The following DCC variants were observed in gnomAD, a reference collection of about 807,000 sequenced individuals.
The protein encoded by DCC is netrin receptor DCC.
Under a neutral mutation model 172.5 loss-of-function variants are expected in DCC, and 58 were observed. The observed-to-expected ratio is 0.34, with a 90% confidence interval of 0.27 to 0.42. DCC has a LOEUF of 0.42. Among genes scored for constraint, DCC ranks in the 10% least tolerant of loss-of-function variants. The probability of loss-of-function intolerance (pLI) is 1.00; values close to 1 mark genes in which losing one functional copy is unlikely to be tolerated. For synonymous variants in DCC, 709 were observed against 644.5 expected, an observed-to-expected ratio of 1.10 and a Z score of -1.52; for missense variants, 1,740 against 1,791.0, an observed-to-expected ratio of 0.97 and a Z score of 0.51.
At chr18:52,536,829 ACT>A (rs1464913399) in intron 1 of DCC, among the ~76,000 whole-genome samples, 2 of 152,128 alleles carry the variant, frequency 1.3e-5, no homozygotes, top group Non-Finnish European at 2.9e-5. Flanking sequence ...TCCTAAGAAG[ACT>A]CTGATAAATT....
At chr18:53,023,612 C>G (rs1009813795) in intron 5 of DCC, among the ~76,000 whole-genome samples, 1 of 151,918 alleles carries the variant, frequency 6.6e-6, no homozygotes, top group African/African-American at 2.4e-5. Flanking sequence ...TGGACCCTGT[C>G]GCCAGGCAAA....
intron 27 of DCC, among the ~76,000 whole-genome samples, chr18:53,502,293 C>A (rs1205445601): frequency 1.3e-5 from 2 of 152,096 alleles, no homozygotes; most frequent in Non-Finnish European, 2.9e-5. Flanking sequence ...TTATTAAATT[C>A]TTTTTCCTTT....
At position 52,958,542 on chromosome 18, in the gene DCC, A is replaced by G. The variant is rs534824755; in HGVS notation, c.985+33172A>G. ...TGGTATTAGGATACAAGAGACAGGAAAAGAAGTGAGGAAATATTTCAAAAC... is the reference window on the plus strand; with the variant it reads ...TGGTATTAGGATACAAGAGACAGGAGAAGAAGTGAGGAAATATTTCAAAAC... On this transcript the variant is annotated intron_variant, in intron 5 of 28. Coordinates refer to ENST00000442544, the MANE Select transcript of DCC (RefSeq NM_005215.4). Among the ~76,000 whole-genome samples the G allele has an allele frequency of 8.8e-4, 134 of 152,238 alleles. 2 individuals are homozygous for G. The Middle Eastern group carries it at 0.01, about 12-fold the overall frequency.
chr18:53,296,949 CT>C (rs1013455494), intron 12 of DCC, among the ~76,000 whole-genome samples: 5 of 152,080 alleles, frequency 3.3e-5, no homozygotes, highest in Non-Finnish European at 5.9e-5. Flanking sequence ...TTAAAAAAGG[CT>C]TTTTGCTAGA....
chr18:52,625,846 A>G lies in DCC; in HGVS notation c.92-126208A>G, dbSNP rs76198128. Among the ~76,000 whole-genome samples, 144 of 152,202 alleles carry G rather than the reference A, an allele frequency of 9.5e-4. 3 individuals carry two copies. In the East Asian group the frequency reaches 0.024, roughly 25 times the overall value. On this transcript the variant is annotated intron_variant, in intron 1 of 28. Transcript: ENST00000442544. ...GTTCTCAGGTCCTGCCTCATGTCCA[A>G]ACATGTTTTAATGCAGGGGATTACA... is the stretch of plus-strand genomic sequence containing the variant.
chr18:52,742,856 C>G (rs1437581432), intron 1 of DCC, among the ~76,000 whole-genome samples: 1 of 151,992 alleles, frequency 6.6e-6, no homozygotes, highest in African/African-American at 2.4e-5. Flanking sequence ...TAACAAGTAT[C>G]AAATTTGAAT....
chr18:52,746,382 C>A (rs1049048568), intron 1 of DCC, among the ~76,000 whole-genome samples: 1 of 152,112 alleles, frequency 6.6e-6, no homozygotes, highest in African/African-American at 2.4e-5. Context: ...CTTGTAGGAG[C>A]TTTTTTCCCC....
At chr18:52,649,973 A>ATTTTTTTTTTT (rs71175512) in intron 1 of DCC, among the ~76,000 whole-genome samples, 1 of 106,928 alleles carries the variant, frequency 9.4e-6, no homozygotes, top group African/African-American at 3.7e-5. Flanking sequence ...TGATAGTTCT[A>ATTTTTTTTTTT]TTTTTTTTTT....
At chr18:52,429,637 A>G (rs566075457) in intron 1 of DCC, among the ~76,000 whole-genome samples, 3 of 152,294 alleles carry the variant, frequency 2.0e-5, no homozygotes, top group East Asian at 3.9e-4. Context: ...AACTAAGCCT[A>G]ATCTAAAGCA....
intron 10 of DCC, among the ~76,000 whole-genome samples, chr18:53,206,027 CATATATATGTGT>C (rs1355180668): frequency 3.2e-5 from 3 of 94,386 alleles, no homozygotes; most frequent in Non-Finnish European, 6.4e-5. Flanking sequence ...AATTGAGTTT[CATATATATGTGT>C]ATATATAATA....
chr18:52,440,307 A>C (rs1987934788), intron 1 of DCC, among the ~76,000 whole-genome samples: 2 of 152,228 alleles, frequency 1.3e-5, no homozygotes, highest in South Asian at 4.1e-4. Flanking sequence ...CGTGCTTCAG[A>C]ATACAAATCC....
chr18:53,260,446 G>T (rs533182405), intron 12 of DCC, among the ~76,000 whole-genome samples: 2 of 152,272 alleles, frequency 1.3e-5, no homozygotes, highest in African/African-American at 4.8e-5. Context: ...CTGCAGGTCT[G>T]TTGGAGTTTG....
chr18:52,529,101 C>T (rs941659593), intron 1 of DCC, among the ~76,000 whole-genome samples: 1 of 152,140 alleles, frequency 6.6e-6, no homozygotes, highest in South Asian at 2.1e-4. Flanking sequence ...CAGTACTCAT[C>T]TTTGTACCTA....
chr18:52,921,841 T>G (rs1031551672), intron 3 of DCC, among the ~76,000 whole-genome samples: 6 of 151,858 alleles, frequency 4.0e-5, no homozygotes, highest in Non-Finnish European at 8.8e-5. Flanking sequence ...GATCTTGATG[T>G]TTTTCACAGG....
At chr18:53,527,914 G>A (rs906051656) in intron 28 of DCC, among the ~76,000 whole-genome samples, 5 of 152,088 alleles carry the variant, frequency 3.3e-5, no homozygotes, top group Non-Finnish European at 7.4e-5. Context: ...ATTCTATTTT[G>A]TTATTACATT....
At chr18:52,767,318 G>T (rs2037270161) in intron 2 of DCC, among the ~76,000 whole-genome samples, 1 of 152,088 alleles carries the variant, frequency 6.6e-6, no homozygotes, top group Admixed American at 6.6e-5. Context: ...CAGAAGTAAA[G>T]TTTGTCATGG....
chr18:52,614,525 G>A (rs2034340893), intron 1 of DCC, among the ~76,000 whole-genome samples: 1 of 152,102 alleles, frequency 6.6e-6, no homozygotes, highest in Admixed American at 6.6e-5. Flanking sequence ...AGTGTTGACG[G>A]CTACACCAAC....
chr18:52,718,457 C>G (rs1379641651), intron 1 of DCC, among the ~76,000 whole-genome samples: 1 of 151,868 alleles, frequency 6.6e-6, no homozygotes, highest in Non-Finnish European at 1.5e-5. Flanking sequence ...TTGAAGTTGC[C>G]TTATTTCTTT....
At chr18:53,292,360 T>C (rs2057015626) in intron 12 of DCC, among the ~76,000 whole-genome samples, 1 of 152,140 alleles carries the variant, frequency 6.6e-6, no homozygotes, top group South Asian at 2.1e-4. Flanking sequence ...CTATGGGTCA[T>C]TCATCTGAAT....
Sources: gnomAD v4.1 joint callset for allele counts (sites outside exome capture counted in the v4.1 genomes callset) on GRCh38, gnomAD v4.1.1 for gene constraint, MANE v1.5 for transcripts, NCBI Gene and HGNC (gene_info 2026-07-23, HGNC 2026-07-21) for gene names.